MYT1L: variants seen among roughly 807,000 people sequenced by gnomAD.
MYT1L encodes myelin transcription factor 1-like protein.
Under a neutral mutation model 126.7 loss-of-function variants are expected in MYT1L, and 12 were observed. That is an observed-to-expected ratio of 0.09 (90% CI 0.06 to 0.15). The LOEUF (loss-of-function observed/expected upper bound fraction) is 0.15, where lower values mean the gene tolerates loss of function less well. MYT1L is among the 10% of genes least tolerant of loss of function. The pLI is 1.00. For synonymous variants in MYT1L, 541 were observed against 604.2 expected, an observed-to-expected ratio of 0.90 and a Z score of 1.53; for missense variants, 979 against 1,585.2, an observed-to-expected ratio of 0.62 and a Z score of 6.49.
At chr2:1,822,040 C>A (rs1248783207) in intron 21 of MYT1L, among the ~76,000 whole-genome samples, 1 of 152,170 alleles carries the variant, frequency 6.6e-6, no homozygotes, top group Admixed American at 6.5e-5. Context: ...TAGGTCCCAG[C>A]CTCTTTTCTA....
intron 2 of MYT1L, among the ~76,000 whole-genome samples, chr2:2,203,506 C>A (rs2093174360): frequency 6.6e-6 from 1 of 151,698 alleles, no homozygotes; most frequent in Non-Finnish European, 1.5e-5. Flanking sequence ...AACTCCCATT[C>A]ACAGTTGCTT....
intron 3 of MYT1L, among the ~76,000 whole-genome samples, chr2:2,110,632 C>T (rs1454300067): frequency 6.6e-6 from 1 of 151,148 alleles, no homozygotes; most frequent in Non-Finnish European, 1.5e-5. Flanking sequence ...TCCCTCCCCT[C>T]ATTCTTTCCT....
intron 9 of MYT1L, among the ~76,000 whole-genome samples, chr2:1,933,416 G>T (rs921807423): frequency 6.6e-6 from 1 of 152,222 alleles, no homozygotes; most frequent in Non-Finnish European, 1.5e-5. Flanking sequence ...GCAGAGGGGT[G>T]AGGATGCCTT....
intron 3 of MYT1L, among the ~76,000 whole-genome samples, chr2:2,122,891 G>GAT (rs1559076860): frequency 5.3e-5 from 8 of 151,006 alleles, no homozygotes; most frequent in African/African-American, 2.0e-4. Flanking sequence ...GAGAGAGAGA[G>GAT]ACCAATGAGT....
intron 4 of MYT1L, among the ~76,000 whole-genome samples, chr2:2,007,044 GAT>G (rs113385392): frequency 0.088 from 12,789 of 145,912 alleles, 714 homozygotes; most frequent in African/African-American, 0.17. Context: ...TTTCATTGAA[GAT>G]ATATATATAT....
intron 4 of MYT1L, among the ~76,000 whole-genome samples, chr2:2,006,610 C>A (rs1271740856): frequency 6.6e-6 from 1 of 152,114 alleles, no homozygotes; most frequent in African/African-American, 2.4e-5. Context: ...GGGTCTCACT[C>A]TGTCAATCAG....
intron 3 of MYT1L, among the ~76,000 whole-genome samples, chr2:2,075,212 C>T (rs529027079): frequency 2.8e-4 from 42 of 152,254 alleles, no homozygotes; most frequent in African/African-American, 9.6e-4. Flanking sequence ...GGTGATCGGC[C>T]TTTTTGGGGC....
chr2:2,025,381 C>G (rs2065437120), intron 4 of MYT1L, among the ~76,000 whole-genome samples: 1 of 152,198 alleles, frequency 6.6e-6, no homozygotes, highest in Admixed American at 6.5e-5. Flanking sequence ...CTACAGGGTC[C>G]TTGAATGTGA....
chr2:2,016,100 G>A (rs529324044), intron 4 of MYT1L, among the ~76,000 whole-genome samples: 1 of 152,324 alleles, frequency 6.6e-6, no homozygotes, highest in South Asian at 2.1e-4. Flanking sequence ...AGCCTTGTAA[G>A]GATTCACTCA....
rs1390077654 is a variant in MYT1L, at chr2:1,912,497, C to T, written c.1619-387G>A. On this transcript the variant is annotated intron_variant, in intron 11 of 24. Transcript: ENST00000647738. This position sits in a 1 kb window ranked among gnomAD's most constrained non-coding sequence, Gnocchi z 4.3. ...GAGCGAGGGCCTCACAGATATTACC[C>T]ATGCACAAGCATGGAGTATTGATTA... 1.3e-5 allele frequency among the ~76,000 whole-genome samples: 2 copies of T among 152,192 alleles called. No homozygotes were observed. The highest frequency in any genetic ancestry group is 1.9e-4 in the East Asian group (1 of 5,178).
chr2:2,205,804 A>G (rs2093291992), intron 2 of MYT1L, among the ~76,000 whole-genome samples: 1 of 152,086 alleles, frequency 6.6e-6, no homozygotes, highest in Non-Finnish European at 1.5e-5. Flanking sequence ...TTCTCTTCAC[A>G]TATGGGTTAA....
chr2:2,042,103 G>A (rs1193315390), intron 4 of MYT1L, among the ~76,000 whole-genome samples: 3 of 152,138 alleles, frequency 2.0e-5, no homozygotes, highest in South Asian at 2.1e-4. Context: ...GCACCCTCTC[G>A]AGGGGCTGGG....
At chr2:2,011,558 T>C (rs1411497884) in intron 4 of MYT1L, among the ~76,000 whole-genome samples, 8 of 152,134 alleles carry the variant, frequency 5.3e-5, no homozygotes, top group African/African-American at 1.9e-4. Context: ...CAGACTTTTG[T>C]GTTGCAAATA....
At chr2:2,177,027 G>T (rs1385324040) in intron 2 of MYT1L, among the ~76,000 whole-genome samples, 1 of 152,202 alleles carries the variant, frequency 6.6e-6, no homozygotes, top group African/African-American at 2.4e-5. Context: ...AAACAGGTTT[G>T]TTTCCCACTG....
chr2:2,077,122 A>T (rs538795659), intron 3 of MYT1L, among the ~76,000 whole-genome samples: 1 of 152,284 alleles, frequency 6.6e-6, no homozygotes, highest in South Asian at 2.1e-4. Flanking sequence ...TCCAAAACTT[A>T]AAAATAGGTT....
intron 2 of MYT1L, among the ~76,000 whole-genome samples, chr2:2,255,179 T>C (rs1319907849): frequency 6.6e-6 from 1 of 152,234 alleles, no homozygotes; most frequent in African/African-American, 2.4e-5. Context: ...AGTGATCCTC[T>C]TTCTCCACCG....
chr2:1,903,748 C>T (rs2050648926), intron 13 of MYT1L, among the ~76,000 whole-genome samples: 1 of 152,134 alleles, frequency 6.6e-6, no homozygotes, highest in South Asian at 2.1e-4. Context: ...TAGACTGAGA[C>T]AGAACCAGAT....
At chr2:1,934,595 G>A (rs149081876) in intron 9 of MYT1L, among the ~76,000 whole-genome samples, 4 of 152,186 alleles carry the variant, frequency 2.6e-5, no homozygotes, top group African/African-American at 9.6e-5. Flanking sequence ...AGAATGAGCT[G>A]TTTGGAGTCA....
chr2:1,848,933 C>G lies in MYT1L; in HGVS notation c.2774+2708G>C, dbSNP rs2042858885. Among the ~76,000 whole-genome samples the G allele has an allele frequency of 6.6e-6, 1 of 152,176 alleles. No homozygotes were observed. The highest frequency in any genetic ancestry group is 6.5e-5 in the Admixed American group (1 of 15,284). On this transcript the variant is annotated intron_variant, in intron 19 of 24. Transcript: ENST00000647738. This position sits in a 1 kb window ranked among gnomAD's most constrained non-coding sequence, Gnocchi z 4.8. ...CGCTAAAACCCCGAGAGGGCTCTGT[C>G]TAGGTCTCAGATTTGTCAAACACAA...
Sources: allele counts gnomAD v4.1 joint callset (sites outside exome capture counted in the v4.1 genomes callset), GRCh38; gene constraint gnomAD v4.1.1; non-coding constraint Gnocchi (gnomAD v3.1); transcripts MANE v1.5; gene names NCBI Gene and HGNC (gene_info 2026-07-23, HGNC 2026-07-21).